Variants in TAB2 observed in about 807,000 individuals in gnomAD.
The protein encoded by TAB2 is TGF-beta activated kinase 1 (MAP3K7) binding protein 2, also known as TGF-beta-activated kinase 1 and MAP3K7-binding protein 2.
TAB2 carries 3 observed loss-of-function variants against 65.0 expected under a neutral mutation model. The observed-to-expected ratio is 0.05, with a 90% CI of 0.02 to 0.12. TAB2 has a LOEUF of 0.12. Among genes scored for constraint, TAB2 ranks in the 10% least tolerant of loss-of-function variants. TAB2 has a pLI of 1.00. For synonymous variants in TAB2, 298 were observed against 285.1 expected (o/e 1.05, Z -0.46); for missense variants, 623 against 840.3 (o/e 0.74, Z 3.20).
At chr6:149,330,912 G>T (rs1779763595) in intron 1 of TAB2, among the ~76,000 whole-genome samples, 1 of 152,020 alleles carries the variant, frequency 6.6e-6, no homozygotes, top group Admixed American at 6.6e-5. Context: ...TTGTACCTTT[G>T]TCAAAAATCA....
intron 1 of TAB2, among the ~76,000 whole-genome samples, chr6:149,233,783 C>A (rs1383902681): frequency 6.6e-5 from 10 of 152,160 alleles, no homozygotes; most frequent in Admixed American, 6.5e-4. Flanking sequence ...TTTGCAACTA[C>A]TTTTAATGGC....
intron 1 of TAB2, among the ~76,000 whole-genome samples, chr6:149,325,762 C>T (rs2114738812): frequency 6.6e-6 from 1 of 152,278 alleles, no homozygotes; most frequent in African/African-American, 2.4e-5. Context: ...TGTTTTAAGA[C>T]AGTGTCTCGC....
chr6:149,275,303 A>AG (rs1778450348), intron 1 of TAB2, among the ~76,000 whole-genome samples: 2 of 147,470 alleles, frequency 1.4e-5, no homozygotes, highest in Admixed American at 6.7e-5. Context: ...AAAGAAAGAG[A>AG]AAAAAGAAAA....
intron 1 of TAB2, among the ~76,000 whole-genome samples, chr6:149,362,849 A>G (rs1250866212): frequency 2.0e-5 from 3 of 152,036 alleles, no homozygotes; most frequent in Non-Finnish European, 4.4e-5. Flanking sequence ...TAATTCATCT[A>G]ATCTAAATCT....
chr6:149,323,306 A>G (rs1167180037), intron 1 of TAB2, among the ~76,000 whole-genome samples: 1 of 152,172 alleles, frequency 6.6e-6, no homozygotes, highest in Non-Finnish European at 1.5e-5. Flanking sequence ...TAGCTAGATT[A>G]GTCTTCATTA....
intron 3 of TAB2, among the ~76,000 whole-genome samples, chr6:149,396,192 A>G (rs549367250): frequency 6.6e-6 from 1 of 152,084 alleles, no homozygotes; most frequent in East Asian, 1.9e-4. Context: ...AACTTTTTGT[A>G]TTTTTAGTAG....
At chr6:149,280,714 G>A (rs570414223) in intron 1 of TAB2, among the ~76,000 whole-genome samples, 5 of 152,236 alleles carry the variant, frequency 3.3e-5, no homozygotes, top group Non-Finnish European at 7.4e-5. Context: ...GCCAAGGCAG[G>A]AGAATCACTT....
intron 3 of TAB2, among the ~76,000 whole-genome samples, chr6:149,394,649 G>C (rs1486945899): frequency 6.6e-6 from 1 of 152,142 alleles, no homozygotes; most frequent in South Asian, 2.1e-4. Flanking sequence ...TTTGGGTTTT[G>C]TTGTTGCCTT....
chr6:149,363,157 A>T (rs1396783629), intron 1 of TAB2, among the ~76,000 whole-genome samples: 1 of 152,208 alleles, frequency 6.6e-6, no homozygotes, highest in Non-Finnish European at 1.5e-5. Flanking sequence ...AATATTGATT[A>T]CACAAAAATT....
At chr6:149,405,264 T>C (rs895522001) in intron 6 of TAB2, among the ~76,000 whole-genome samples, 2 of 152,184 alleles carry the variant, frequency 1.3e-5, no homozygotes, top group African/African-American at 4.8e-5. Flanking sequence ...GGTGAAAGAT[T>C]ATATGCATTG....
chr6:149,284,548 AG>A (rs1342569465), intron 1 of TAB2, among the ~76,000 whole-genome samples: 1 of 152,014 alleles, frequency 6.6e-6, no homozygotes, highest in Non-Finnish European at 1.5e-5. Context: ...GTTAGTTTTG[AG>A]GATGCTTTCA....
intron 1 of TAB2, among the ~76,000 whole-genome samples, chr6:149,235,923 T>G (rs1482673297): frequency 6.6e-6 from 1 of 152,140 alleles, no homozygotes; most frequent in Non-Finnish European, 1.5e-5. Flanking sequence ...CTGGCTCTAG[T>G]GGAAAGCAGT....
At chr6:149,317,585 C>T (rs935939870), upstream of TAB2, 1 of 146,582 alleles carries the variant, frequency 6.8e-6, no homozygotes, top group Non-Finnish European at 1.5e-5. The surrounding 1 kb of genome is among the most constrained non-coding windows in gnomAD (Gnocchi z 4.7). Flanking sequence ...GGAGCCGCGG[C>T]GAGAGCGAGC....
chr6:149,243,112 G>A (rs902423255), intron 1 of TAB2, among the ~76,000 whole-genome samples: 1 of 152,348 alleles, frequency 6.6e-6, no homozygotes, highest in Non-Finnish European at 1.5e-5. Flanking sequence ...TGTAAACACA[G>A]GGGTTCATTC....
chr6:149,268,954 G>GAGCT (rs138588226), intron 1 of TAB2, among the ~76,000 whole-genome samples: 2,658 of 152,208 alleles, frequency 0.017, 170 homozygotes, highest in Admixed American at 0.12. Flanking sequence ...ATGAGTCTGG[G>GAGCT]AGCTGGAAAC....
intron 1 of TAB2, among the ~76,000 whole-genome samples, chr6:149,282,922 A>G (rs984274739): frequency 5.9e-5 from 9 of 152,222 alleles, no homozygotes; most frequent in African/African-American, 2.2e-4. Flanking sequence ...CAGCATTCTT[A>G]ACTGCTGGGT....
intron 1 of TAB2, among the ~76,000 whole-genome samples, chr6:149,325,696 A>G (rs963598456): frequency 1.3e-5 from 2 of 152,182 alleles, no homozygotes; most frequent in African/African-American, 4.8e-5. Context: ...TAATACTACA[A>G]AACTTGTGCC....
intron 2 of TAB2, among the ~76,000 whole-genome samples, chr6:149,376,797 A>G (rs1186250388): frequency 6.6e-6 from 1 of 152,158 alleles, no homozygotes; most frequent in East Asian, 1.9e-4. Flanking sequence ...CTATGCATAT[A>G]GTATGTGTTT....
At chr6:149,397,881 CCTTA>C in intron 4 of TAB2, 84 bp from the exon 5 acceptor site, 2 of 1,575,428 alleles carry the variant, frequency 1.3e-6, no homozygotes, top group Non-Finnish European at 1.7e-6. Context: ...GTTTTTCTGT[CCTTA>C]CTTTCTTGTG....
Sources: gnomAD v4.1 joint callset for allele counts (sites outside exome capture counted in the v4.1 genomes callset) on GRCh38, gnomAD v4.1.1 for gene constraint, Gnocchi (gnomAD v3.1) non-coding constraint, MANE v1.5 for transcripts, NCBI Gene and HGNC (gene_info 2026-07-23, HGNC 2026-07-21) for gene names.